The following COL19A1 variants were observed in gnomAD, a reference collection of about 807,000 sequenced individuals.
COL19A1 encodes collagen alpha-1(XIX) chain.
Under a neutral mutation model 190.2 loss-of-function variants are expected in COL19A1, and 159 were observed. The ratio of observed to expected loss-of-function variants is 0.84; its 90% CI spans 0.73 to 0.95. The LOEUF is 0.95. Ranked by LOEUF, COL19A1 falls within the 40% of genes least tolerant of loss-of-function variation. The pLI, the probability that COL19A1 is intolerant of heterozygous loss-of-function variation, is 0.00. For missense variants in COL19A1, 1,418 were observed against 1,431.9 expected, an observed-to-expected ratio of 0.99 and a Z score of 0.16; for synonymous variants, 509 against 458.9, an observed-to-expected ratio of 1.11 and a Z score of -1.39.
chr6:70,030,814 C>T (rs551328323), intron 12 of COL19A1, among the ~76,000 whole-genome samples: 10 of 152,268 alleles, frequency 6.6e-5, no homozygotes, highest in Non-Finnish European at 1.0e-4. Context: ...GCATATCTGC[C>T]AGTCTTGCTT....
intron 11 of COL19A1, among the ~76,000 whole-genome samples, chr6:69,998,903 C>T (rs1010869361): frequency 2.0e-5 from 3 of 151,832 alleles, no homozygotes; most frequent in South Asian, 4.2e-4. Context: ...GACATGAGTA[C>T]GTTTCACTTC....
intron 2 of COL19A1, among the ~76,000 whole-genome samples, chr6:69,895,542 T>A (rs764377425): frequency 6.6e-6 from 1 of 152,168 alleles, no homozygotes; most frequent in Non-Finnish European, 1.5e-5. Context: ...AGGGACTCTG[T>A]CTAGGCCAGA....
At chr6:70,175,736 T>C (rs959799490) in intron 41 of COL19A1, among the ~76,000 whole-genome samples, 2 of 152,166 alleles carry the variant, frequency 1.3e-5, no homozygotes, top group Non-Finnish European at 2.9e-5. Flanking sequence ...TTTAGTATCA[T>C]TTGATCACAC....
chr6:69,929,771 T>C (rs2150012425), intron 6 of COL19A1, 71 bp downstream of exon 6: 1 of 1,403,592 alleles, frequency 7.1e-7, no homozygotes, highest in Non-Finnish European at 9.6e-7. Context: ...TTAAAAACAT[T>C]CTTCTTTTAT....
chr6:70,039,626 T>C lies in COL19A1; in HGVS notation c.1170+3687T>C, dbSNP rs140005750. Among the ~76,000 whole-genome samples, 14 of 152,322 alleles carry C rather than the reference T, an allele frequency of 9.2e-5. 1 individual carries two copies. In the East Asian group the frequency reaches 1.9e-3, roughly 21 times the overall value. On this transcript the variant is annotated intron_variant, in intron 14 of 50. Coordinates refer to ENST00000620364, the MANE Select transcript of COL19A1 (RefSeq NM_001858.6). ...GAACACTTTTTCCCCCTCTAAGCCA[T>C]ACATTCTATATTTGCTTTACTTTTA... is the stretch of plus-strand genomic sequence containing the variant.
chr6:70,172,554 T>C (rs1460975480), intron 41 of COL19A1, among the ~76,000 whole-genome samples: 1 of 152,128 alleles, frequency 6.6e-6, no homozygotes, highest in Non-Finnish European at 1.5e-5. Flanking sequence ...CCAGTGCCAG[T>C]CTGCAGACCC....
intron 17 of COL19A1, among the ~76,000 whole-genome samples, chr6:70,129,831 G>T (rs1785413490): frequency 6.6e-6 from 1 of 152,258 alleles, no homozygotes; most frequent in African/African-American, 2.4e-5. Flanking sequence ...TGAGAATAGG[G>T]AGAGCAGATC....
intron 9 of COL19A1, among the ~76,000 whole-genome samples, chr6:69,947,097 C>T (rs779545720): frequency 2.0e-5 from 3 of 151,918 alleles, no homozygotes; most frequent in Non-Finnish European, 4.4e-5. Flanking sequence ...TGCTCCGGAA[C>T]ATTGGCTGCT....
rs1411658140 is a variant in COL19A1, at chr6:70,179,360, G to A, written c.2668-952G>A. Among the ~76,000 whole-genome samples, 4 of 152,140 alleles carry A rather than the reference G, an allele frequency of 2.6e-5. No homozygotes were observed. The East Asian group carries it at 7.7e-4, about 29-fold the overall frequency. ...CCAGCCACATTAGACCAAGGGACAG[G>A]AGGTGGTTCCTTCTCAGAGGCAACC... On this transcript the variant is annotated intron_variant, in intron 42 of 50. Coordinates refer to ENST00000620364, the MANE Select transcript of COL19A1 (RefSeq NM_001858.6).
chr6:69,962,676 G>A (rs1261498971), intron 10 of COL19A1, 150 bp from the exon 11 acceptor site: 2 of 427,578 alleles, frequency 4.7e-6, no homozygotes, highest in East Asian at 8.2e-5. Context: ...TAAATCTTAT[G>A]TAACAATATT....
chr6:70,203,608 C>T (rs1341921222), intron 49 of COL19A1, among the ~76,000 whole-genome samples: 1 of 151,368 alleles, frequency 6.6e-6, no homozygotes, highest in Non-Finnish European at 1.5e-5. Context: ...TCCTAAAATG[C>T]CAATAGCATC....
intron 9 of COL19A1, among the ~76,000 whole-genome samples, chr6:69,949,705 G>A (rs991587725): frequency 6.6e-6 from 1 of 151,798 alleles, no homozygotes; most frequent in Admixed American, 6.6e-5. Context: ...TTGCTTCAAC[G>A]TGAAATATGT....
intron 11 of COL19A1, among the ~76,000 whole-genome samples, chr6:69,966,646 C>T (rs1169441520): frequency 3.3e-5 from 5 of 152,104 alleles, no homozygotes; most frequent in South Asian, 2.1e-4. Flanking sequence ...GGCAGCAGGG[C>T]CCTCTGCCTA....
intron 15 of COL19A1, among the ~76,000 whole-genome samples, chr6:70,083,669 T>C (rs1212634818): frequency 6.6e-6 from 1 of 152,188 alleles, no homozygotes; most frequent in Non-Finnish European, 1.5e-5. Context: ...AGTTTAGCCT[T>C]GTAATAATTA....
At chr6:69,884,339 C>CAA (rs201679191) in intron 2 of COL19A1, among the ~76,000 whole-genome samples, 14 of 77,960 alleles carry the variant, frequency 1.8e-4, no homozygotes, top group Admixed American at 4.2e-4. Flanking sequence ...GACTTTGTCT[C>CAA]AAAAAAAAAA....
chr6:70,062,887 C>T (rs1780927106), intron 14 of COL19A1, among the ~76,000 whole-genome samples: 1 of 151,728 alleles, frequency 6.6e-6, no homozygotes, highest in Non-Finnish European at 1.5e-5. Context: ...ACAAAGAAGG[C>T]CATTACATAA....
At chr6:70,004,296 C>G (rs1407969186) in intron 11 of COL19A1, among the ~76,000 whole-genome samples, 1 of 152,082 alleles carries the variant, frequency 6.6e-6, no homozygotes, top group South Asian at 2.1e-4. Flanking sequence ...CTCTGGCTAC[C>G]CTTAATATTT....
At chr6:70,191,668 G>A (rs938990548) in intron 48 of COL19A1, among the ~76,000 whole-genome samples, 1 of 152,178 alleles carries the variant, frequency 6.6e-6, no homozygotes, top group Non-Finnish European at 1.5e-5. Flanking sequence ...GGAATTGACA[G>A]TATCACATGA....
intron 14 of COL19A1, among the ~76,000 whole-genome samples, chr6:70,042,177 T>C (rs1419130852): frequency 6.6e-6 from 1 of 152,162 alleles, no homozygotes; most frequent in Non-Finnish European, 1.5e-5. Context: ...CAGTGTAAGA[T>C]AATAGAGTGT....
Sources: allele counts gnomAD v4.1 joint callset (sites outside exome capture counted in the v4.1 genomes callset), GRCh38; gene constraint gnomAD v4.1.1; transcripts MANE v1.5; gene names NCBI Gene and HGNC (gene_info 2026-07-23, HGNC 2026-07-21).